Variants in CHD7 observed in about 807,000 individuals in gnomAD.
The protein encoded by CHD7 is ATP-dependent chromatin remodeler CHD7.
Under a neutral mutation model 307.3 loss-of-function variants are expected in CHD7, and 24 were observed. That is an observed-to-expected ratio of 0.08 (90% CI 0.06 to 0.11). The LOEUF is 0.11. CHD7 is among the 10% of genes least tolerant of loss of function. The probability of loss-of-function intolerance (pLI) is 1.00; values close to 1 mark genes in which losing one functional copy is unlikely to be tolerated. For synonymous variants in CHD7, 1,363 were observed against 1,349.9 expected (o/e 1.01, Z -0.21); for missense variants, 3,106 against 3,727.1 (o/e 0.83, Z 4.34).
chr8:60,857,032 A>G (rs1463168126), intron 34 of CHD7, 144 bp downstream of exon 34: 3 of 687,640 alleles, frequency 4.4e-6, no homozygotes, highest in Non-Finnish European at 7.1e-6. Context: ...TTTACAATAA[A>G]CAGTCATGAT....
chr8:60,812,830 T>A (rs1812877551), intron 7 of CHD7, among the ~76,000 whole-genome samples: 1 of 152,056 alleles, frequency 6.6e-6, no homozygotes, highest in Non-Finnish European at 1.5e-5. Flanking sequence ...CCACACTGCT[T>A]AGGGAGGCTT....
chr8:60,749,566 A>G (rs1809525736), intron 2 of CHD7, among the ~76,000 whole-genome samples: 1 of 151,174 alleles, frequency 6.6e-6, no homozygotes. Context: ...TCTCACTTCT[A>G]AAGACATCTG....
chr8:60,797,200 A>G (rs1226550749), intron 4 of CHD7, among the ~76,000 whole-genome samples: 1 of 152,224 alleles, frequency 6.6e-6, no homozygotes, highest in Non-Finnish European at 1.5e-5. Context: ...GGAATTGTAA[A>G]AGGAACCTTG....
At chr8:60,734,472 G>A (rs1385676780) in intron 1 of CHD7, among the ~76,000 whole-genome samples, 9 of 152,190 alleles carry the variant, frequency 5.9e-5, no homozygotes, top group African/African-American at 2.2e-4. Context: ...CCATGTTGAT[G>A]TGGTGGTACT....
rs78549680 is a variant in CHD7 at position 60,721,580 on chromosome 8, T to C, written c.-174-19679T>C. 6.3e-3 allele frequency among the ~76,000 whole-genome samples: 958 copies of C among 152,334 alleles called. 11 individuals carry two copies. Among genetic ancestry groups the C allele is most frequent in the East Asian group, 0.015 (77 of 5,184 alleles). On this transcript the variant is annotated intron_variant, in intron 1 of 37. Transcript: ENST00000423902. ...CATTATTGTTTTTAGGCCAGTGGTTTGTGCATCAAAATGCTTGGTAAAGCA... is the reference window on the plus strand; with the variant it reads ...CATTATTGTTTTTAGGCCAGTGGTTCGTGCATCAAAATGCTTGGTAAAGCA...
At chr8:60,732,855 TAA>T (rs1808520095) in intron 1 of CHD7, among the ~76,000 whole-genome samples, 1 of 152,190 alleles carries the variant, frequency 6.6e-6, no homozygotes. Context: ...ATAAATTACT[TAA>T]AAAGTTTTCA....
intron 3 of CHD7, among the ~76,000 whole-genome samples, 196 bp downstream of exon 3, chr8:60,781,626 T>G (rs1483800154): frequency 6.6e-6 from 1 of 152,234 alleles, no homozygotes; most frequent in Non-Finnish European, 1.5e-5. Flanking sequence ...TGTTGTGAAC[T>G]GTTGATTTAC....
Position 60,754,614 on chromosome 8 carries a change from G to A in CHD7, c.1665+11517G>A, listed in dbSNP as rs1563572630. ...GGCAGACAAAAATTCATAATGTTTT[G>A]TAGGGGGGAGCAAAAATTACCATCA... is the stretch of plus-strand genomic sequence containing the variant. On this transcript the variant is annotated intron_variant, in intron 2 of 37. Transcript: ENST00000423902. Among the ~76,000 whole-genome samples, 9 of 152,192 alleles carry A rather than the reference G, an allele frequency of 5.9e-5. No homozygotes were observed. In the South Asian group the frequency reaches 1.9e-3, roughly 32 times the overall value.
At position 60,795,340 on chromosome 8, in the gene CHD7, C is replaced by CTATGA. The variant is rs545297668; in HGVS notation, c.2238+216_2238+217insGATAT. ...TCCTGACAAGAGTGGCTTGGTTTTG[C>CTATGA]TATCTTTGACTCTATAATTAATAAG... On this transcript the variant is annotated intron_variant, in intron 4 of 37. Coordinates refer to ENST00000423902, the MANE Select transcript of CHD7 (RefSeq NM_017780.4). Among the ~76,000 whole-genome samples, 33 of 152,232 alleles carry CTATGA rather than the reference C, an allele frequency of 2.2e-4. No individual in the cohort carries two copies. In the South Asian group the frequency reaches 6.6e-3, roughly 31 times the overall value.
chr8:60,716,142 T>G (rs981204688), intron 1 of CHD7, among the ~76,000 whole-genome samples: 2 of 152,220 alleles, frequency 1.3e-5, no homozygotes, highest in Non-Finnish European at 2.9e-5. Context: ...CTGATACCTT[T>G]TCTCTCCACT....
intron 2 of CHD7, among the ~76,000 whole-genome samples, chr8:60,762,415 C>G (rs1810260100): frequency 6.6e-6 from 1 of 152,158 alleles, no homozygotes; most frequent in African/African-American, 2.4e-5. Flanking sequence ...GGCAGCACAG[C>G]ACAATGTTGA....
rs766488157 is a variant in CHD7, at chr8:60,849,059, A to G, written c.5309A>G (p.Asp1770Gly). ...TAAATGTTGTCTTTCAGTGAAGCCG[A>G]TGTGTGGATCCCTGAACCTTTCCAT... The part of the protein sequence containing the change: ...ILEGADSSEA[D>G]VWIPEPFHAE... Residue 1770 changes from aspartate to glycine, a missense_variant, in exon 25 of 38, where the codon GAT (aspartate) becomes GGT (glycine). Asp to Gly is a moderately conservative substitution (Grantham distance 94). This residue lies in a region of CHD7 where 1,030 missense variants were observed against 1,165.4 expected (regional missense o/e 0.88). Transcript: ENST00000423902. 15 of 1,612,724 alleles carry G rather than the reference A, an allele frequency of 9.3e-6. No homozygotes were observed. The highest frequency in any genetic ancestry group is 5.0e-5 in the Admixed American group (3 of 59,992).
intron 19 of CHD7, among the ~76,000 whole-genome samples, chr8:60,839,846 G>A (rs1334545855): frequency 1.3e-5 from 2 of 152,032 alleles, no homozygotes; most frequent in African/African-American, 4.8e-5. Context: ...TAATATGATT[G>A]CAGATATTTT....
chr8:60,808,314 T>G (rs1164963789), intron 7 of CHD7, 42 bp downstream of exon 7: 2 of 1,168,234 alleles, frequency 1.7e-6, no homozygotes, highest in Non-Finnish European at 2.5e-6. Context: ...GGGCTATATT[T>G]TCCAAGTAGT....
At position 60,743,074 on chromosome 8, in the gene CHD7, C is replaced by G; in HGVS notation, c.1642C>G (p.Pro548Ala). Residue 548 changes from proline (P) to alanine (A), a missense_variant, in exon 2 of 38, where the codon CCG (proline) becomes GCG (alanine). By Grantham distance (27) the Pro-to-Ala change is conservative (BLOSUM62 -1). This residue lies in a region of CHD7 where 998 missense variants were observed against 1,004.5 expected (regional missense o/e 0.99). Transcript: ENST00000423902. Reference sequence around the variant, plus strand: ...GCTCCACCCATCACCCCAGAACACCCCGCAGAAAGTGCCTGTGCATCAGGT... The same window carrying G: ...GCTCCACCCATCACCCCAGAACACCGCGCAGAAAGTGCCTGTGCATCAGGT... ...AQLHPSPQNT[P>A]QKVPVHQHSP... 1.9e-6 allele frequency: 3 copies of G among 1,613,758 alleles called. No individual in the cohort carries two copies. Among genetic ancestry groups the G allele is most frequent in the Non-Finnish European group, 2.5e-6 (3 of 1,179,804 alleles).
intron 1 of CHD7, among the ~76,000 whole-genome samples, chr8:60,714,174 GC>G (rs1006445434): frequency 2.0e-5 from 3 of 151,866 alleles, no homozygotes; most frequent in East Asian, 2.0e-4. Context: ...CGGCGAGCGG[GC>G]CCCCCGGGGG....
intron 6 of CHD7, among the ~76,000 whole-genome samples, chr8:60,805,868 C>T (rs1308958180): frequency 2.0e-5 from 3 of 152,002 alleles, no homozygotes; most frequent in Non-Finnish European, 4.4e-5. Flanking sequence ...ATTGAAAATG[C>T]CTTCAAAATT....
At chr8:60,820,720 A>C (rs1157079799) in intron 9 of CHD7, among the ~76,000 whole-genome samples, 1 of 152,112 alleles carries the variant, frequency 6.6e-6, no homozygotes, top group Non-Finnish European at 1.5e-5. Flanking sequence ...TGTAAATTGA[A>C]TTTTATATAT....
chr8:60,734,709 T>A (rs1353658680), intron 1 of CHD7, among the ~76,000 whole-genome samples: 1 of 152,102 alleles, frequency 6.6e-6, no homozygotes, highest in African/African-American at 2.4e-5. Flanking sequence ...TGGGGGTGTT[T>A]GTGAGTGCTT....
Sources: allele counts gnomAD v4.1 joint callset (sites outside exome capture counted in the v4.1 genomes callset), GRCh38; gene constraint gnomAD v4.1.1; regional missense constraint gnomAD v4.1.1; transcripts MANE v1.5; gene names NCBI Gene and HGNC (gene_info 2026-07-23, HGNC 2026-07-21).